The following SEC61A2 variants were observed in gnomAD, a reference collection of about 807,000 sequenced individuals.
The protein encoded by SEC61A2 is protein transport protein Sec61 subunit alpha isoform 2.
SEC61A2 carries 28 observed loss-of-function variants against 59.9 expected under a neutral mutation model. The observed-to-expected ratio is 0.47, with a 90% confidence interval of 0.35 to 0.64. The LOEUF (loss-of-function observed/expected upper bound fraction) is 0.64. SEC61A2 is among the 30% of genes least tolerant of loss of function. SEC61A2 has a pLI of 0.01. For synonymous variants in SEC61A2, 202 were observed against 214.4 expected, an observed-to-expected ratio of 0.94 and a Z score of 0.50; for missense variants, 340 against 585.9, an observed-to-expected ratio of 0.58 and a Z score of 4.33.
chr10:12,151,486 A>G (rs945073263), intron 6 of SEC61A2, among the ~76,000 whole-genome samples: 4 of 149,484 alleles, frequency 2.7e-5, no homozygotes, highest in African/African-American at 1.0e-4. Flanking sequence ...TAATTTTTGT[A>G]TTTTTAGTAG....
At chr10:12,140,626 C>T (rs1833996666) in intron 3 of SEC61A2, among the ~76,000 whole-genome samples, 2 of 152,274 alleles carry the variant, frequency 1.3e-5, no homozygotes, top group South Asian at 2.1e-4. Context: ...GATGGAGTCT[C>T]ACTCTGTCAC....
intron 4 of SEC61A2, among the ~76,000 whole-genome samples, chr10:12,144,393 C>G (rs1408545420): frequency 6.6e-6 from 1 of 152,142 alleles, no homozygotes; most frequent in Non-Finnish European, 1.5e-5. Context: ...TATTCTGCTA[C>G]TTTGTTTACT....
chr10:12,141,526 T>C (rs772651595), intron 3 of SEC61A2, among the ~76,000 whole-genome samples: 5 of 152,146 alleles, frequency 3.3e-5, no homozygotes, highest in Admixed American at 6.5e-5. Context: ...GTTGTTTTAA[T>C]GAAAAGTTAA....
chr10:12,139,510 C>T (rs117741739), intron 3 of SEC61A2, among the ~76,000 whole-genome samples: 333 of 151,832 alleles, frequency 2.2e-3, no homozygotes, highest in South Asian at 6.0e-3. Context: ...TTGAGCTGGG[C>T]GCGGTAGCTC....
At chr10:12,133,618 A>G (rs1229200842) in intron 2 of SEC61A2, among the ~76,000 whole-genome samples, 2 of 152,328 alleles carry the variant, frequency 1.3e-5, no homozygotes, top group East Asian at 3.9e-4. Context: ...TAAATCCTGT[A>G]GTATTGGGTG....
rs1372805235 is a variant in SEC61A2, at chr10:12,145,816, G to A, written c.220+2621G>A. Reference sequence around the variant, plus strand: ...GTTTTAAATAAAGGAGAAAAATTAAGGAATAGGAAATCACTGACTAGCTTA... The same window carrying A: ...GTTTTAAATAAAGGAGAAAAATTAAAGAATAGGAAATCACTGACTAGCTTA... On this transcript the variant is annotated intron_variant, in intron 4 of 11. Coordinates refer to ENST00000298428, the MANE Select transcript of SEC61A2 (RefSeq NM_018144.4). This position sits in a 1 kb window ranked among gnomAD's most constrained non-coding sequence, Gnocchi z 4.4. 6.6e-6 allele frequency among the ~76,000 whole-genome samples: 1 copy of A among 152,100 alleles called. No homozygotes were observed. The highest frequency in any genetic ancestry group is 1.5e-5 in the Non-Finnish European group (1 of 68,022).
intron 2 of SEC61A2, among the ~76,000 whole-genome samples, chr10:12,134,092 C>A (rs1015783600): frequency 7.5e-6 from 1 of 133,794 alleles, no homozygotes; most frequent in African/African-American, 2.7e-5. Flanking sequence ...CTGCAAGCTC[C>A]GCCTCCCGGG....
rs1834636377 is a variant in SEC61A2, at chr10:12,165,146, T to C, written c.*692T>C. 2.0e-6 allele frequency: 2 copies of C among 985,472 alleles called. No individual in the cohort carries two copies. Among genetic ancestry groups the C allele is most frequent in the Non-Finnish European group, 2.4e-6 (2 of 829,968 alleles). The allele number at this position is 985,472 out of a possible 1,614,324, so 61.0% of individuals were successfully genotyped here. ...GTTTGCCTGTATTGGCTATGCCTTC[T>C]AACTCCAACCAGTCACTTGAGAATA... On this transcript the variant is annotated 3_prime_UTR_variant, in exon 12 of 12. Transcript: ENST00000298428.
Position 12,143,573 on chromosome 10 carries a change from A to G in SEC61A2, c.220+378A>G, listed in dbSNP as rs1834072245. On this transcript the variant is annotated intron_variant, in intron 4 of 11. Transcript: ENST00000298428. The surrounding 1 kb of genome is among the most constrained non-coding windows in gnomAD (Gnocchi z 4.8). ...AACATGGTGAAACCCCGTCTCTACT[A>G]AAAATAGAAAAATTAGCCAGGTGTG... Among the ~76,000 whole-genome samples the G allele has an allele frequency of 1.3e-5, 2 of 152,174 alleles. No individual in the cohort carries two copies. The highest frequency in any genetic ancestry group is 6.5e-5 in the Admixed American group (1 of 15,284).
In SEC61A2 at chr10:12,152,925, G is replaced by A. The variant is rs186786675; in HGVS notation, c.463-2853G>A. Among the ~76,000 whole-genome samples, 366 of 151,910 alleles carry A rather than the reference G, an allele frequency of 2.4e-3. 2 individuals carry two copies. The highest frequency in any genetic ancestry group is 4.5e-3 in the Non-Finnish European group (304 of 67,946). On this transcript the variant is annotated intron_variant, in intron 6 of 11. Coordinates refer to ENST00000298428, the MANE Select transcript of SEC61A2 (RefSeq NM_018144.4). This position sits in a 1 kb window ranked among gnomAD's most constrained non-coding sequence, Gnocchi z 5.5. ...ACGACAAAAATTAGCCAGGCGTGGC[G>A]GTGTGTGCCTGTAATCCCAGCTACT...
intron 3 of SEC61A2, among the ~76,000 whole-genome samples, chr10:12,139,113 T>A (rs1352813267): frequency 6.6e-6 from 1 of 151,404 alleles, no homozygotes; most frequent in Non-Finnish European, 1.5e-5. Flanking sequence ...AGGCACGTGC[T>A]ACCATGCCCA....
At chr10:12,134,168 G>A (rs1054459068) in intron 2 of SEC61A2, among the ~76,000 whole-genome samples, 5 of 152,240 alleles carry the variant, frequency 3.3e-5, no homozygotes, top group Admixed American at 6.5e-5. Flanking sequence ...CACCATGCCC[G>A]GCTAATTTTT....
downstream of SEC61A2, chr10:12,167,955 G>A: frequency 5.0e-6 from 7 of 1,394,146 alleles, no homozygotes; most frequent in East Asian, 2.7e-5. Context: ...TGGTCTATAA[G>A]GATCTTAAAG....
chr10:12,166,309 CT>C (rs1268837746), downstream of SEC61A2: 1 of 154,380 alleles, frequency 6.5e-6, no homozygotes, highest in Non-Finnish European at 1.4e-5. Context: ...AGAGTTAGAG[CT>C]TTGGAGAATC....
chr10:12,147,690 A>AG (rs1159447273), intron 4 of SEC61A2, among the ~76,000 whole-genome samples: 1 of 151,964 alleles, frequency 6.6e-6, no homozygotes, highest in East Asian at 1.9e-4. Context: ...CTAAAAAAAA[A>AG]AAAAAAAAAA....
chr10:12,155,472 A>G lies in SEC61A2; in HGVS notation c.463-306A>G. ...GAATACTGTGATCATTTTTTGTTTCAGTGTGCTTTTCAAACAGGCTTTATT... is the reference window on the plus strand; with the variant it reads ...GAATACTGTGATCATTTTTTGTTTCGGTGTGCTTTTCAAACAGGCTTTATT... On this transcript the variant is annotated intron_variant, in intron 6 of 11. Coordinates refer to ENST00000298428, the MANE Select transcript of SEC61A2 (RefSeq NM_018144.4). The surrounding 1 kb of genome is among the most constrained non-coding windows in gnomAD (Gnocchi z 4.3). 1 of 910,370 alleles carries G rather than the reference A, an allele frequency of 1.1e-6. No individual in the cohort carries two copies. Among genetic ancestry groups the G allele is most frequent in the Non-Finnish European group, 1.6e-6 (1 of 625,408 alleles). The allele number at this position is 910,370 out of a possible 1,614,324, so 56.4% of individuals were successfully genotyped here.
intron 3 of SEC61A2, among the ~76,000 whole-genome samples, chr10:12,139,066 A>G (rs1252003499): frequency 6.6e-6 from 1 of 152,050 alleles, no homozygotes; most frequent in Non-Finnish European, 1.5e-5. Flanking sequence ...GGTTCAAGCG[A>G]TTCTCCTATC....
rs578102803 is a variant in SEC61A2 at position 12,161,719 on chromosome 10, G to A, written c.1168-494G>A. On this transcript the variant is annotated intron_variant, in intron 10 of 11. Coordinates refer to ENST00000298428, the MANE Select transcript of SEC61A2 (RefSeq NM_018144.4). This position sits in a 1 kb window ranked among gnomAD's most constrained non-coding sequence, Gnocchi z 5.4. ...TCGTGCCACTGAACTCCAGCCTGGC[G>A]ACAGAGCTAGACTCCGTCTCCAAAA... Among the ~76,000 whole-genome samples the A allele has an allele frequency of 5.3e-5, 8 of 152,182 alleles. 1 individual carries two copies. Among genetic ancestry groups the A allele is most frequent in the East Asian group, 3.9e-4 (2 of 5,184 alleles).
At position 12,142,389 on chromosome 10, in the gene SEC61A2, A is replaced by G. The variant is rs1380700340; in HGVS notation, c.142-728A>G. ...ACCCCTAGTTTAGAACTGCTATTTT[A>G]TATTTAGTTTTATGACATAAGTACT... On this transcript the variant is annotated intron_variant, in intron 3 of 11. Coordinates refer to ENST00000298428, the MANE Select transcript of SEC61A2 (RefSeq NM_018144.4). The surrounding 1 kb of genome is among the most constrained non-coding windows in gnomAD (Gnocchi z 5.4). The G allele has an allele frequency of 3.2e-6, 1 of 312,384 alleles. No individual in the cohort carries two copies. Among genetic ancestry groups the G allele is most frequent in the African/African-American group, 2.3e-5 (1 of 44,332 alleles). The allele number at this position is 312,384 out of a possible 1,614,324, so 19.4% of individuals were successfully genotyped here.
Sources: gnomAD v4.1 joint callset for allele counts (sites outside exome capture counted in the v4.1 genomes callset) on GRCh38, gnomAD v4.1.1 for gene constraint, Gnocchi (gnomAD v3.1) non-coding constraint, MANE v1.5 for transcripts, NCBI Gene and HGNC (gene_info 2026-07-23, HGNC 2026-07-21) for gene names.